MYO10: variants seen among roughly 807,000 people sequenced by gnomAD.
MYO10 encodes the protein unconventional myosin-X.
A neutral mutation model predicts 257.3 loss-of-function variants in MYO10; 133 were observed. The ratio of observed to expected loss-of-function variants is 0.52; its 90% confidence interval spans 0.45 to 0.60. The LOEUF (loss-of-function observed/expected upper bound fraction) is 0.60, where lower values mean the gene tolerates loss of function less well. Ranked by LOEUF, MYO10 falls within the 20% of genes least tolerant of loss-of-function variation. The probability of loss-of-function intolerance (pLI) is 0.00; values close to 1 mark genes in which losing one functional copy is unlikely to be tolerated. For missense variants in MYO10, 2,399 were observed against 2,635.7 expected (o/e 0.91, Z 1.97); for synonymous variants, 1,104 against 1,028.6 (o/e 1.07, Z -1.40).
At position 16,935,852 on chromosome 5, in the gene MYO10, G is replaced by A. The variant is rs369499918; in HGVS notation, c.-44C>T. On this transcript the variant is annotated 5_prime_UTR_variant, in exon 1 of 41. Coordinates refer to ENST00000513610, the MANE Select transcript of MYO10 (RefSeq NM_012334.3). ...GACTCGCCGAGTGCCGCTCCGACTCGCGGAAGTCAGCGCCGCCGCGGGTCC... is the reference window on the plus strand; with the variant it reads ...GACTCGCCGAGTGCCGCTCCGACTCACGGAAGTCAGCGCCGCCGCGGGTCC... 59 of 1,608,492 alleles carry A rather than the reference G, an allele frequency of 3.7e-5. No individual in the cohort carries two copies. In the African/African-American group the frequency reaches 7.5e-4, roughly 20 times the overall value.
chr5:16,857,293 C>A (rs556983131), intron 2 of MYO10, among the ~76,000 whole-genome samples: 1 of 152,308 alleles, frequency 6.6e-6, no homozygotes, highest in East Asian at 1.9e-4. Context: ...TGGTTTCTGA[C>A]ACAATACTGC....
chr5:16,823,179 C>T (rs1013382195), intron 2 of MYO10, among the ~76,000 whole-genome samples: 3 of 150,462 alleles, frequency 2.0e-5, no homozygotes, highest in Admixed American at 6.6e-5. Context: ...CAGTAGCTCA[C>T]GCCTGTAATC....
chr5:16,717,975 G>A (rs1738949049), intron 19 of MYO10, among the ~76,000 whole-genome samples: 2 of 152,238 alleles, frequency 1.3e-5, no homozygotes, highest in Non-Finnish European at 1.5e-5. Flanking sequence ...CGGGAACCGG[G>A]GCTGCGTGCA....
rs544070715 is a variant in MYO10 at position 16,931,707 on chromosome 5, T to C, written c.21+4081A>G. On this transcript the variant is annotated intron_variant, in intron 1 of 40. Coordinates refer to ENST00000513610, the MANE Select transcript of MYO10 (RefSeq NM_012334.3). Reference sequence around the variant, plus strand: ...GAAGAGGCAACACGCTATATCTCCATTGTGAGAAAAGGGAAAGGGACCCAG... The same window carrying C: ...GAAGAGGCAACACGCTATATCTCCACTGTGAGAAAAGGGAAAGGGACCCAG... Among the ~76,000 whole-genome samples the C allele has an allele frequency of 1.8e-4, 28 of 152,312 alleles. No individual in the cohort carries two copies. The East Asian group carries it at 4.8e-3, about 26-fold the overall frequency.
intron 19 of MYO10, among the ~76,000 whole-genome samples, chr5:16,716,050 C>T (rs1359282934): frequency 3.9e-4 from 33 of 85,588 alleles, no homozygotes; most frequent in African/African-American, 1.3e-3. Context: ...AGTGACACTC[C>T]GTCTCGAAAA....
intron 1 of MYO10, among the ~76,000 whole-genome samples, chr5:16,933,368 G>A (rs31461): frequency 0.4 from 60,109 of 152,076 alleles, 12,147 homozygotes; most frequent in Middle Eastern, 0.5. Flanking sequence ...GCTAGAAATA[G>A]CAGTTGCGAA....
rs1395228789 is a variant in MYO10, at chr5:16,874,357, G to C, written c.120+3252C>G. Among the ~76,000 whole-genome samples, 21 of 75,794 alleles carry C rather than the reference G, an allele frequency of 2.8e-4. 1 individual carries two copies. Among genetic ancestry groups the C allele is most frequent in the African/African-American group, 8.2e-4 (19 of 23,172 alleles). The allele number at this position is 75,794 out of a possible 152,430, so 49.7% of individuals were successfully genotyped here. ...TAAAAAAAAAAGCGGGGGGGGGGGG[G>C]GGTTTCTTTTCTATCACATAGTCAG... On this transcript the variant is annotated intron_variant, in intron 2 of 40. Transcript: ENST00000513610.
At chr5:16,689,693 T>G in intron 28 of MYO10, 131 bp downstream of exon 28, 1 of 687,474 alleles carries the variant, frequency 1.5e-6, no homozygotes. Context: ...CTCGTATGAC[T>G]CTTGGTTCTT....
Position 16,694,483 on chromosome 5 carries a change from A to G in MYO10, c.3688T>C (p.Ser1230Pro). 1 of 1,614,022 alleles carries G rather than the reference A, an allele frequency of 6.2e-7. No homozygotes were observed. The highest frequency in any genetic ancestry group is 8.5e-7 in the Non-Finnish European group (1 of 1,179,896). ...CAGCGCTTCTTCCAATTTCTCCTGG[A>G]CAGCGTGGAGGAGCCCCCCCCTTTT... ...HKKGGGSSTLSRRNWKKRWFV... is the reference protein window; with the variant it reads ...HKKGGGSSTLPRRNWKKRWFV... The change falls in exon 27 of 41, where the codon TCC (serine) becomes CCC (proline). Residue 1230 changes from serine to proline, a missense_variant. Transcript: ENST00000513610.
At chr5:16,887,770 C>T (rs1192528460) in intron 1 of MYO10, among the ~76,000 whole-genome samples, 3 of 152,178 alleles carry the variant, frequency 2.0e-5, no homozygotes, top group Non-Finnish European at 4.4e-5. Context: ...GGATTACAGA[C>T]GTGAGCCACC....
chr5:16,691,269 CAAAA>C (rs35469219), intron 27 of MYO10, among the ~76,000 whole-genome samples: 4 of 105,662 alleles, frequency 3.8e-5, no homozygotes, highest in Admixed American at 1.0e-4. Context: ...GACTCCGTCT[CAAAA>C]AAAAAAAAAA....
chr5:16,835,776 A>G (rs1238790216), intron 2 of MYO10, among the ~76,000 whole-genome samples: 3 of 151,566 alleles, frequency 2.0e-5, no homozygotes, highest in East Asian at 3.9e-4. Context: ...CCCCAAAAAA[A>G]AGTAGGTTAC....
intron 3 of MYO10, among the ~76,000 whole-genome samples, chr5:16,807,304 T>C (rs1051899158): frequency 6.6e-6 from 1 of 152,176 alleles, no homozygotes; most frequent in Non-Finnish European, 1.5e-5. Context: ...ACTTCACACA[T>C]AGTGACAACT....
intron 9 of MYO10, among the ~76,000 whole-genome samples, chr5:16,770,982 G>A (rs992537574): frequency 1.1e-4 from 17 of 152,194 alleles, no homozygotes; most frequent in Non-Finnish European, 1.5e-5. Flanking sequence ...TGGTCAGGCT[G>A]GTCTCGAACT....
chr5:16,701,155 C>G lies in MYO10; in HGVS notation c.3240G>C (p.Gly1080=), dbSNP rs1361075750. 7 of 1,603,390 alleles carry G rather than the reference C, an allele frequency of 4.4e-6. No homozygotes were observed. The African/African-American group carries it at 6.7e-5, about 15-fold the overall frequency. ...AGTCGCCGTCTGGGGAGGGCAAGTC[C>G]CCAGCGTTCTGGGGCATGCAGTAGG... is the stretch of plus-strand genomic sequence containing the variant. ...ESTYCMPQNA[G]DLPSPDGDYD... is the part of the protein sequence containing the mutation. The change falls in exon 25 of 41, where the codon GGG becomes GGC. Residue 1080 remains glycine, a synonymous_variant. Transcript: ENST00000513610. The surrounding 1 kb of genome is among the most constrained non-coding windows in gnomAD (Gnocchi z 8.1).
intron 3 of MYO10, among the ~76,000 whole-genome samples, chr5:16,808,963 C>T (rs1396356940): frequency 1.3e-5 from 2 of 151,778 alleles, no homozygotes; most frequent in African/African-American, 4.8e-5. Flanking sequence ...AGCCACCACG[C>T]CCAGCCTTGA....
In MYO10 at chr5:16,703,014, A is replaced by C; in HGVS notation, c.2421T>G (p.Val807=). 3 of 1,552,320 alleles carry C rather than the reference A, an allele frequency of 1.9e-6. No individual in the cohort carries two copies. The highest frequency in any genetic ancestry group is 2.4e-5 in the South Asian group (2 of 84,048). ...KQLRGQIARR[V]YRQLLAEKRE... is the part of the protein sequence containing the mutation. ...TTTTCTCTGCCAGCAATTGTCTGTA[A>C]ACTCTCCGAGCAATCTGACCTCTGA... The change falls in exon 23 of 41, where the codon GTT becomes GTG. Residue 807 remains valine, a synonymous_variant. Transcript: ENST00000513610.
intron 33 of MYO10, among the ~76,000 whole-genome samples, chr5:16,678,611 G>T (rs1290336981): frequency 6.6e-6 from 1 of 152,136 alleles, no homozygotes; most frequent in African/African-American, 2.4e-5. Flanking sequence ...CAACTGGCTT[G>T]CCAGAATCTG....
chr5:16,824,461 T>C (rs10077273), intron 2 of MYO10, among the ~76,000 whole-genome samples: 9,461 of 152,138 alleles, frequency 0.062, 836 homozygotes, highest in African/African-American at 0.2. Flanking sequence ...AAAATGACAA[T>C]AGTACGGTCT....
Sources: gnomAD v4.1 joint callset for allele counts (sites outside exome capture counted in the v4.1 genomes callset) on GRCh38, gnomAD v4.1.1 for gene constraint, Gnocchi (gnomAD v3.1) non-coding constraint, MANE v1.5 for transcripts, NCBI Gene and HGNC (gene_info 2026-07-23, HGNC 2026-07-21) for gene names.